CSMD1: variants seen among roughly 807,000 people sequenced by gnomAD.
CSMD1 encodes CUB and sushi domain-containing protein 1.
A neutral mutation model predicts 417.5 loss-of-function variants in CSMD1; 213 were observed. That is an observed-to-expected ratio of 0.51 (90% CI 0.46 to 0.57). CSMD1 has a LOEUF of 0.57. CSMD1 is among the 20% of genes least tolerant of loss of function. CSMD1 has a pLI of 0.00. For missense variants in CSMD1, 6,923 were observed against 4,529.7 expected (o/e 1.53, Z -15.17); for synonymous variants, 2,862 against 1,736.8 (o/e 1.65, Z -16.11).
intron 54 of CSMD1, among the ~76,000 whole-genome samples, chr8:2,982,730 G>A (rs118152630): frequency 6.6e-6 from 1 of 152,306 alleles, no homozygotes; most frequent in East Asian, 1.9e-4. Context: ...GGGACAGGAA[G>A]CAAGGTGTGC....
intron 5 of CSMD1, among the ~76,000 whole-genome samples, chr8:3,974,683 T>C (rs936943415): frequency 4.6e-5 from 7 of 151,974 alleles, no homozygotes; most frequent in Non-Finnish European, 7.4e-5. Flanking sequence ...TCTTTTTTTT[T>C]TTACATAACA....
At chr8:4,855,522 T>C (rs532154897) in intron 1 of CSMD1, among the ~76,000 whole-genome samples, 30 of 151,888 alleles carry the variant, frequency 2.0e-4, no homozygotes, top group African/African-American at 7.2e-4. Flanking sequence ...TTGAAAAAAA[T>C]TTAGAAGAAT....
intron 2 of CSMD1, among the ~76,000 whole-genome samples, chr8:4,486,403 T>C (rs565227435): frequency 2.0e-5 from 3 of 150,966 alleles, no homozygotes; most frequent in Non-Finnish European, 4.4e-5. Flanking sequence ...CTTCCAGGAA[T>C]CATAACATGA....
Position 4,164,704 on chromosome 8 carries a change from G to A in CSMD1, c.416-132605C>T, listed in dbSNP as rs114164208. ...GATTTTAAAATATGTTGCTGAGGTG[G>A]AGGAAAGATTCAAGTACTAAAAGTA... is the stretch of plus-strand genomic sequence containing the variant. On this transcript the variant is annotated intron_variant, in intron 3 of 69. Coordinates refer to ENST00000635120, the MANE Select transcript of CSMD1 (RefSeq NM_033225.6). Among the ~76,000 whole-genome samples, 832 of 152,142 alleles carry A rather than the reference G, an allele frequency of 5.5e-3. 12 individuals carry two copies. The highest frequency in any genetic ancestry group is 0.019 in the African/African-American group (807 of 41,512).
chr8:3,031,553 T>C (rs1275120068), intron 50 of CSMD1, among the ~76,000 whole-genome samples: 1 of 152,124 alleles, frequency 6.6e-6, no homozygotes, highest in African/African-American at 2.4e-5. Context: ...GTTCTTTCTT[T>C]CTTTCTTTGT....
intron 3 of CSMD1, among the ~76,000 whole-genome samples, chr8:4,405,388 T>C (rs977703000): frequency 2.6e-5 from 4 of 152,174 alleles, no homozygotes; most frequent in African/African-American, 7.2e-5. Context: ...AAACTACTTG[T>C]TACCTGCGTG....
chr8:3,548,025 C>A (rs1798748965), intron 10 of CSMD1, among the ~76,000 whole-genome samples: 1 of 152,126 alleles, frequency 6.6e-6, no homozygotes, highest in South Asian at 2.1e-4. Flanking sequence ...TTATAAACTT[C>A]CTGGAGAGGG....
chr8:3,977,230 C>G (rs893977595), intron 5 of CSMD1, among the ~76,000 whole-genome samples: 2 of 152,118 alleles, frequency 1.3e-5, no homozygotes, highest in Non-Finnish European at 2.9e-5. Flanking sequence ...TTCTGACACT[C>G]CTTGCTACAT....
intron 1 of CSMD1, among the ~76,000 whole-genome samples, chr8:4,772,416 G>C (rs1796647991): frequency 6.6e-6 from 1 of 152,128 alleles, no homozygotes; most frequent in South Asian, 2.1e-4. Flanking sequence ...TGATAATCCA[G>C]AATGATCTCC....
intron 5 of CSMD1, among the ~76,000 whole-genome samples, chr8:3,775,251 G>A (rs916803050): frequency 6.6e-6 from 1 of 152,184 alleles, no homozygotes; most frequent in Non-Finnish European, 1.5e-5. Flanking sequence ...TGAATTGTAT[G>A]TTAAACATTG....
chr8:4,339,541 G>C (rs1028987704), intron 3 of CSMD1, among the ~76,000 whole-genome samples: 2 of 152,046 alleles, frequency 1.3e-5, no homozygotes, highest in Admixed American at 1.3e-4. Flanking sequence ...CATTTCTAAA[G>C]ACTACTGAAT....
chr8:3,367,573 G>A (rs770366724), intron 19 of CSMD1, among the ~76,000 whole-genome samples: 28 of 152,124 alleles, frequency 1.8e-4, no homozygotes, highest in Admixed American at 7.9e-4. Context: ...ATCTTGATAT[G>A]AAAATCTAGC....
At chr8:3,864,618 G>T (rs185074585) in intron 5 of CSMD1, among the ~76,000 whole-genome samples, 1 of 152,074 alleles carries the variant, frequency 6.6e-6, no homozygotes, top group Non-Finnish European at 1.5e-5. Flanking sequence ...TCCCTCCCCA[G>T]TAACCCCATC....
intron 3 of CSMD1, among the ~76,000 whole-genome samples, chr8:4,047,882 C>G (rs1429992795): frequency 6.6e-6 from 1 of 151,990 alleles, no homozygotes; most frequent in Non-Finnish European, 1.5e-5. Flanking sequence ...ATATTTACAT[C>G]ACTGAGCCTT....
At chr8:4,756,654 G>T (rs890892516) in intron 1 of CSMD1, among the ~76,000 whole-genome samples, 8 of 152,112 alleles carry the variant, frequency 5.3e-5, no homozygotes, top group Admixed American at 1.3e-4. Flanking sequence ...TCGCCCTGGA[G>T]GATCAGAAAA....
intron 10 of CSMD1, among the ~76,000 whole-genome samples, chr8:3,542,223 A>C (rs936621543): frequency 6.6e-6 from 1 of 152,182 alleles, no homozygotes; most frequent in Admixed American, 6.5e-5. Flanking sequence ...CTTATTAATC[A>C]ATGACTATTT....
At chr8:3,626,357 A>G (rs1796492923) in intron 7 of CSMD1, among the ~76,000 whole-genome samples, 3 of 152,176 alleles carry the variant, frequency 2.0e-5, no homozygotes, top group African/African-American at 7.2e-5. Flanking sequence ...CCAATTATTC[A>G]TGGTCTCCTC....
chr8:4,132,329 G>A (rs111370406), intron 3 of CSMD1, among the ~76,000 whole-genome samples: 8 of 151,650 alleles, frequency 5.3e-5, no homozygotes, highest in African/African-American at 9.7e-5. Flanking sequence ...ACACAAAGGA[G>A]AATATAAATG....
chr8:3,496,763 T>A (rs1422340289), intron 10 of CSMD1, among the ~76,000 whole-genome samples: 1 of 151,878 alleles, frequency 6.6e-6, no homozygotes, highest in Non-Finnish European at 1.5e-5. Context: ...GAGGTGGAGG[T>A]TGCAGTGACC....
Sources: gnomAD v4.1 joint callset for allele counts (sites outside exome capture counted in the v4.1 genomes callset) on GRCh38, gnomAD v4.1.1 for gene constraint, MANE v1.5 for transcripts, NCBI Gene and HGNC (gene_info 2026-07-23, HGNC 2026-07-21) for gene names.